Variants in SERPINB13 observed in about 807,000 individuals in gnomAD.
SERPINB13 encodes serpin B13.
SERPINB13 carries 26 observed loss-of-function variants against 31.2 expected under a neutral mutation model. That is an observed-to-expected ratio of 0.83 (90% confidence interval 0.61 to 1.15). The LOEUF (loss-of-function observed/expected upper bound fraction) is 1.15. Ranked by LOEUF, SERPINB13 falls within the 50% of genes most tolerant of loss-of-function variation. The pLI is 0.00. For missense variants in SERPINB13, 510 were observed against 469.4 expected, an observed-to-expected ratio of 1.09 and a Z score of -0.80; for synonymous variants, 191 against 172.4, an observed-to-expected ratio of 1.11 and a Z score of -0.85.
At chr18:63,589,093 T>C (rs1297784505) in intron 2 of SERPINB13, among the ~76,000 whole-genome samples, 1 of 152,116 alleles carries the variant, frequency 6.6e-6, no homozygotes, top group African/African-American at 2.4e-5. Context: ...CAAGTACTTA[T>C]GGAAAAAGTG....
chr18:63,595,765 T>G (rs1324294680), intron 7 of SERPINB13, among the ~76,000 whole-genome samples: 3 of 151,842 alleles, frequency 2.0e-5, no homozygotes, highest in Admixed American at 2.0e-4. Flanking sequence ...CTGGCGTGGT[T>G]GTGGGCGCCT....
At chr18:63,588,519 C>A (rs189150935) in intron 1 of SERPINB13, 132 bp from the exon 2 acceptor site, 2 of 849,020 alleles carry the variant, frequency 2.4e-6, no homozygotes, top group Non-Finnish European at 3.6e-6. Context: ...CAGGCAGCAG[C>A]GACCTTTCAC....
intron 1 of SERPINB13, among the ~76,000 whole-genome samples, 162 bp from the exon 2 acceptor site, chr18:63,588,489 C>T (rs12327505): frequency 0.033 from 5,006 of 152,206 alleles, 266 homozygotes; most frequent in African/African-American, 0.11. Context: ...CAAGAGAAGG[C>T]CAAGAGAGGA....
At position 63,594,647 on chromosome 18, in the gene SERPINB13, T is replaced by C. The variant is rs948434237; in HGVS notation, c.615+150T>C. The stretch of plus-strand genomic sequence containing the variant: ...TGAGATCAAGGGATCGAGACTATCC[T>C]TGCCAACATGGTGAAACCCCGTATC... On this transcript the variant is annotated intron_variant, in intron 6 of 7. Transcript: ENST00000344731. 4.8e-6 allele frequency: 4 copies of C among 825,062 alleles called. No individual in the cohort carries two copies. The Admixed American group carries it at 8.2e-5, about 17-fold the overall frequency. 51.1% of individuals were successfully genotyped at this position (825,062 alleles called of 1,614,324 possible).
chr18:63,596,712 G>T (rs1454038056), intron 7 of SERPINB13, among the ~76,000 whole-genome samples: 2 of 152,116 alleles, frequency 1.3e-5, no homozygotes, highest in Admixed American at 6.5e-5. Context: ...GATAAAATAA[G>T]AAATGACTTA....
chr18:63,595,254 G>A, intron 7 of SERPINB13, 70 bp downstream of exon 7: 1 of 1,484,474 alleles, frequency 6.7e-7, no homozygotes. Context: ...TTCTGAGTAG[G>A]AGCTGGTGGC....
rs766005338 is a variant in SERPINB13 at position 63,597,108 on chromosome 18, T to G, written c.921T>G (p.Asp307Glu). 76 of 1,614,114 alleles carry G rather than the reference T, an allele frequency of 4.7e-5. 2 individuals are homozygous for G. In the South Asian group the frequency reaches 8.0e-4, roughly 17 times the overall value. ...EAVLAAMGMG[D>E]AFSEHKADYS... Reference sequence around the variant, plus strand: ...TCCTGGCTGCCATGGGGATGGGCGATGCCTTCAGTGAGCACAAAGCCGACT... The same window carrying G: ...TCCTGGCTGCCATGGGGATGGGCGAGGCCTTCAGTGAGCACAAAGCCGACT... Residue 307 changes from aspartate to glutamate, a missense_variant, in exon 8 of 8, where the codon GAT becomes GAG. Physicochemically the swap from Asp to Glu is conservative, Grantham distance 45. Coordinates refer to ENST00000344731, the MANE Select transcript of SERPINB13 (RefSeq NM_012397.4).
chr18:63,595,802 G>A (rs1461942826), intron 7 of SERPINB13, among the ~76,000 whole-genome samples: 3 of 152,208 alleles, frequency 2.0e-5, no homozygotes, highest in Middle Eastern at 6.8e-3. Context: ...GGGAGGCTGA[G>A]ACAGGAGAAT....
At chr18:63,593,244 T>C (rs1438533855) in intron 5 of SERPINB13, among the ~76,000 whole-genome samples, 4 of 152,112 alleles carry the variant, frequency 2.6e-5, no homozygotes, top group African/African-American at 7.2e-5. Context: ...GGGGACTGCA[T>C]GAAGCCAAAT....
At chr18:63,589,319 G>T (rs1016873771) in intron 2 of SERPINB13, among the ~76,000 whole-genome samples, 1 of 152,058 alleles carries the variant, frequency 6.6e-6, no homozygotes. Flanking sequence ...AGCTGGGTGT[G>T]GTGGCAGGTG....
chr18:63,588,878 A>T (rs59160527), intron 2 of SERPINB13, 46 bp downstream of exon 2: 85,279 of 1,516,246 alleles, frequency 0.056, 3,916 homozygotes, highest in East Asian at 0.28. Flanking sequence ...GCACAAATTC[A>T]TTTGGCGGGG....
rs563223587 is a variant in SERPINB13, at chr18:63,595,625, C to T, written c.771+441C>T. Reference sequence around the variant, plus strand: ...TTAAAAAAATTATGTGAAGGCCGGGCGTGGTGGCTCACGCCTGTAATCCCA... The same window carrying T: ...TTAAAAAAATTATGTGAAGGCCGGGTGTGGTGGCTCACGCCTGTAATCCCA... On this transcript the variant is annotated intron_variant, in intron 7 of 7. Coordinates refer to ENST00000344731, the MANE Select transcript of SERPINB13 (RefSeq NM_012397.4). 3.3e-5 allele frequency among the ~76,000 whole-genome samples: 5 copies of T among 152,230 alleles called. No individual in the cohort carries two copies. In the East Asian group the frequency reaches 5.8e-4, roughly 18 times the overall value.
chr18:63,591,087 T>C (rs1911822381), intron 3 of SERPINB13, among the ~76,000 whole-genome samples: 1 of 152,156 alleles, frequency 6.6e-6, no homozygotes, highest in African/African-American at 2.4e-5. Flanking sequence ...TATTACCAAA[T>C]CAGCTGATGC....
Position 63,596,985 on chromosome 18 carries a change from A to G in SERPINB13, c.798A>G (p.Lys266=), listed in dbSNP as rs776687641. The change falls in exon 8 of 8, where the codon AAA becomes AAG. Residue 266 remains lysine, a synonymous_variant. Transcript: ENST00000344731. ...EKIIDKISPE[K]LVEWTSPGHM... The stretch of plus-strand genomic sequence containing the variant: ...TAATAGATAAAATAAGTCCTGAGAA[A>G]TTGGTAGAGTGGACTAGTCCAGGGC... 14 of 1,611,218 alleles carry G rather than the reference A, an allele frequency of 8.7e-6. No individual in the cohort carries two copies. The Admixed American group carries it at 1.9e-4, about 21-fold the overall frequency.
At chr18:63,589,998 C>T (rs1009930003) in intron 3 of SERPINB13, 2 of 407,450 alleles carry the variant, frequency 4.9e-6, no homozygotes, top group Non-Finnish European at 8.0e-6. Context: ...GTTCCCATAG[C>T]AGAGTGGATG....
rs1216036392 is a variant in SERPINB13 at position 63,589,648 on chromosome 18, T to C, written c.166-8T>C. 6.2e-7 allele frequency: 1 copy of C among 1,613,288 alleles called. No homozygotes were observed. Reference sequence around the variant, plus strand: ...GAGCACCACAGTAATATTTTCTATCTCTTCCAGGTGTTTCACTCTGAAAAA... The same window carrying C: ...GAGCACCACAGTAATATTTTCTATCCCTTCCAGGTGTTTCACTCTGAAAAA... On this transcript the variant is annotated splice_polypyrimidine_tract_variant and splice_region_variant and intron_variant, in intron 2 of 7. Transcript: ENST00000344731.
In SERPINB13 at chr18:63,589,717, TAAGAATA is replaced by T. The variant is rs1911739300; in HGVS notation, c.225+6_225+12del. The T allele has an allele frequency of 6.2e-7, 1 of 1,613,216 alleles. No homozygotes were observed. ...ATAAAGGCTGAAGAAAAAGAGGTGGTAAGAATAAAGGCTGAAGGAAAAGAGGTGGGGA... is the reference window on the plus strand; with the variant it reads ...ATAAAGGCTGAAGAAAAAGAGGTGGTAAGGCTGAAGGAAAAGAGGTGGGGA... On this transcript the variant is annotated splice_donor_5th_base_variant and intron_variant, in intron 3 of 7. Coordinates refer to ENST00000344731, the MANE Select transcript of SERPINB13 (RefSeq NM_012397.4).
At chr18:63,594,227 C>G (rs1912020594) in intron 5 of SERPINB13, 128 bp from the exon 6 acceptor site, 2 of 1,547,684 alleles carry the variant, frequency 1.3e-6, no homozygotes, top group Non-Finnish European at 1.7e-6. Flanking sequence ...CCTTTGTCAG[C>G]AAGGCCCTCA....
rs1381923455 is a variant in SERPINB13 at position 63,598,087 on chromosome 18, C to T, written c.*724C>T. The stretch of plus-strand genomic sequence containing the variant: ...TGGACTAACTTTTAGAAAAGTTTCC[C>T]TTTTTTTCTCCATTTACATTTTTCT... On this transcript the variant is annotated 3_prime_UTR_variant, in exon 8 of 8. Transcript: ENST00000344731. 1 of 148,568 alleles carries T rather than the reference C, an allele frequency of 6.7e-6. No individual in the cohort carries two copies. The highest frequency in any genetic ancestry group is 2.5e-5 in the African/African-American group (1 of 40,466). 9.2% of individuals were successfully genotyped at this position (148,568 alleles called of 1,614,324 possible).
Sources: gnomAD v4.1 joint callset for allele counts (sites outside exome capture counted in the v4.1 genomes callset) on GRCh38, gnomAD v4.1.1 for gene constraint, MANE v1.5 for transcripts, NCBI Gene and HGNC (gene_info 2026-07-23, HGNC 2026-07-21) for gene names.